The following NPR3 variants were observed in gnomAD, a reference collection of about 807,000 sequenced individuals.
NPR3 encodes the protein atrial natriuretic peptide receptor 3.
NPR3 carries 34 observed loss-of-function variants against 54.5 expected under a neutral mutation model. That is an observed-to-expected ratio of 0.62 (90% confidence interval 0.47 to 0.83). The LOEUF is 0.83. Ranked by LOEUF, NPR3 falls within the 40% of genes least tolerant of loss-of-function variation. NPR3 has a pLI of 0.00. For synonymous variants in NPR3, 289 were observed against 297.1 expected (o/e 0.97, Z 0.28); for missense variants, 674 against 720.8 (o/e 0.94, Z 0.74).
At chr5:32,718,501 C>T (rs11747560) in intron 1 of NPR3, among the ~76,000 whole-genome samples, 45,787 of 151,942 alleles carry the variant, frequency 0.3, 7,307 homozygotes, top group Non-Finnish European at 0.35. Flanking sequence ...TTGTTTGTGT[C>T]CTATTTTATT....
At chr5:32,750,807 T>G (rs1740536793) in intron 3 of NPR3, among the ~76,000 whole-genome samples, 1 of 152,216 alleles carries the variant, frequency 6.6e-6, no homozygotes, top group African/African-American at 2.4e-5. Context: ...AGTGCATTCT[T>G]TTACCCTTGT....
At position 32,769,525 on chromosome 5, in the gene NPR3, T is replaced by C. The variant is rs999801083; in HGVS notation, c.1060-5183T>C. Among the ~76,000 whole-genome samples the C allele has an allele frequency of 2.0e-5, 3 of 152,300 alleles. No individual in the cohort carries two copies. The South Asian group carries it at 6.2e-4, about 32-fold the overall frequency. The stretch of plus-strand genomic sequence containing the variant: ...TCTCTCATCTCCCCTTCAACCAAAA[T>C]GGGTGGTTAGAAGGCATGTCTTTTG... On this transcript the variant is annotated intron_variant, in intron 3 of 7. Coordinates refer to ENST00000265074, the MANE Select transcript of NPR3 (RefSeq NM_001204375.2).
intron 1 of NPR3, among the ~76,000 whole-genome samples, chr5:32,704,320 T>C (rs1033183286): frequency 1.3e-5 from 2 of 152,090 alleles, no homozygotes; most frequent in Admixed American, 1.3e-4. Flanking sequence ...AACCAGGTAC[T>C]GTGATTTATC....
chr5:32,775,556 A>G (rs1742002279), intron 4 of NPR3, among the ~76,000 whole-genome samples: 1 of 151,950 alleles, frequency 6.6e-6, no homozygotes, highest in Admixed American at 6.6e-5. Flanking sequence ...TCAGCCTTCC[A>G]AAGTGCTTTT....
At chr5:32,743,993 T>C (rs1386510177) in intron 3 of NPR3, among the ~76,000 whole-genome samples, 19 of 97,808 alleles carry the variant, frequency 1.9e-4, no homozygotes, top group South Asian at 1.4e-3. Flanking sequence ...ATGCATTTTT[T>C]TTTTTTTTTT....
At chr5:32,777,418 C>G (rs781677965) in intron 4 of NPR3, among the ~76,000 whole-genome samples, 5 of 152,206 alleles carry the variant, frequency 3.3e-5, no homozygotes, top group Admixed American at 6.5e-5. Flanking sequence ...TAATGACTGA[C>G]AAGAGCTCTT....
intron 7 of NPR3, among the ~76,000 whole-genome samples, chr5:32,785,489 C>T: frequency 6.6e-6 from 1 of 152,130 alleles, no homozygotes; most frequent in South Asian, 2.1e-4. Flanking sequence ...TCCTACCACC[C>T]ACCAAGTGAA....
chr5:32,756,759 C>T (rs946007175), intron 3 of NPR3, among the ~76,000 whole-genome samples: 1 of 152,084 alleles, frequency 6.6e-6, no homozygotes, highest in Non-Finnish European at 1.5e-5. Context: ...AGTCTTTAAT[C>T]CCTCTTGAAT....
Position 32,789,629 on chromosome 5 carries a change from G to T in NPR3, c.*3284G>T. ...TGCCCTCACTTCTCCCTATTCACAGGCTTCTAAAATCATTAATTTACTCAA... is the reference window on the plus strand; with the variant it reads ...TGCCCTCACTTCTCCCTATTCACAGTCTTCTAAAATCATTAATTTACTCAA... On this transcript the variant is annotated 3_prime_UTR_variant, in exon 8 of 8. Coordinates refer to ENST00000265074, the MANE Select transcript of NPR3 (RefSeq NM_001204375.2). 1.9e-6 allele frequency: 1 copy of T among 534,638 alleles called. No homozygotes were observed. Among genetic ancestry groups the T allele is most frequent in the South Asian group, 1.4e-5 (1 of 71,592 alleles). 33.1% of individuals were successfully genotyped at this position (534,638 alleles called of 1,614,324 possible).
chr5:32,703,576 C>T (rs1415552535), intron 1 of NPR3, among the ~76,000 whole-genome samples: 3 of 152,148 alleles, frequency 2.0e-5, no homozygotes, highest in African/African-American at 7.2e-5. Context: ...GGTGATAAAT[C>T]CTGCCAGGAC....
At chr5:32,710,894 ATGTGTG>A (rs34939454), upstream of NPR3, 101 of 509,782 alleles carry the variant, frequency 2.0e-4, no homozygotes, top group Middle Eastern at 1.5e-3. Flanking sequence ...GTGTGTGTAT[ATGTGTG>A]TGTGTGTGTG....
intron 2 of NPR3, among the ~76,000 whole-genome samples, chr5:32,733,907 T>C (rs189240785): frequency 4.1e-3 from 626 of 152,338 alleles, no homozygotes; most frequent in South Asian, 7.9e-3. Flanking sequence ...GGTGTTGGTA[T>C]CTGGAGTCTG....
chr5:32,761,766 T>G (rs576991929), intron 3 of NPR3, among the ~76,000 whole-genome samples: 2 of 151,960 alleles, frequency 1.3e-5, no homozygotes, highest in Non-Finnish European at 2.9e-5. Flanking sequence ...TTTAGTTTTA[T>G]TTTTTATTTC....
At chr5:32,703,790 G>A (rs1737896582) in intron 1 of NPR3, among the ~76,000 whole-genome samples, 1 of 152,200 alleles carries the variant, frequency 6.6e-6, no homozygotes, top group Non-Finnish European at 1.5e-5. Context: ...GGAGTCTCTT[G>A]TGGAGCTGCA....
Position 32,712,355 on chromosome 5 carries a change from C to A in NPR3, c.579C>A (p.Arg193=). Residue 193 remains arginine, a synonymous_variant, in exon 1 of 8, where the codon CGC becomes CGA. Transcript: ENST00000265074. ...KMGEMMLALF[R]HHHWSRAALV... is the part of the protein sequence containing the mutation. ...GCGAGATGATGCTCGCCCTGTTCCGCCACCACCACTGGAGCCGCGCTGCAC... is the reference window on the plus strand; with the variant it reads ...GCGAGATGATGCTCGCCCTGTTCCGACACCACCACTGGAGCCGCGCTGCAC... The A allele has an allele frequency of 6.2e-7, 1 of 1,612,852 alleles. No homozygotes were observed. The highest frequency in any genetic ancestry group is 8.5e-7 in the Non-Finnish European group (1 of 1,179,234).
chr5:32,771,804 G>A (rs1047671304), intron 3 of NPR3, among the ~76,000 whole-genome samples: 1 of 152,184 alleles, frequency 6.6e-6, no homozygotes, highest in Non-Finnish European at 1.5e-5. Context: ...AGCAATGAAT[G>A]CTCTTTGGGT....
At chr5:32,757,420 A>G (rs1740905844) in intron 3 of NPR3, among the ~76,000 whole-genome samples, 1 of 152,172 alleles carries the variant, frequency 6.6e-6, no homozygotes, top group African/African-American at 2.4e-5. Flanking sequence ...TTGGTGTATA[A>G]GAATGCTTGT....
chr5:32,782,296 G>A (rs1043859068), intron 5 of NPR3, among the ~76,000 whole-genome samples: 14 of 152,146 alleles, frequency 9.2e-5, no homozygotes, highest in African/African-American at 3.4e-4. Flanking sequence ...TGAGGGCTGT[G>A]AGGCTGGGTA....
At chr5:32,704,110 A>G (rs1230797427) in intron 1 of NPR3, among the ~76,000 whole-genome samples, 1 of 152,192 alleles carries the variant, frequency 6.6e-6, no homozygotes, top group Non-Finnish European at 1.5e-5. Flanking sequence ...AGTTCTGCCC[A>G]GTATTTCTTT....
Sources: allele counts gnomAD v4.1 joint callset (sites outside exome capture counted in the v4.1 genomes callset), GRCh38; gene constraint gnomAD v4.1.1; transcripts MANE v1.5; gene names NCBI Gene and HGNC (gene_info 2026-07-23, HGNC 2026-07-21).